DMD: variants seen among roughly 807,000 people sequenced by gnomAD.
The protein encoded by DMD is dystrophin, also known as mutant dystrophin.
Under a neutral mutation model 330.1 loss-of-function variants are expected in DMD, and 63 were observed. The ratio of observed to expected loss-of-function variants is 0.19; its 90% CI spans 0.16 to 0.24. The LOEUF is 0.24. DMD is among the 10% of genes least tolerant of loss of function. DMD has a pLI of 1.00. For missense variants in DMD, 3,344 were observed against 2,684.1 expected (o/e 1.25, Z -5.43); for synonymous variants, 1,223 against 959.8 (o/e 1.27, Z -5.07).
chrX:32,285,824 C>G (rs959392552), intron 43 of DMD, among the ~76,000 whole-genome samples: 2 of 111,045 alleles, frequency 1.8e-5, no homozygotes, highest in Non-Finnish European at 3.8e-5. Flanking sequence ...CTCAGCCTCC[C>G]GAGTAGCTGG....
At chrX:31,773,724 C>CTTTTTTTTTTTTTATTTTTTTTTTTTT (rs2090476787) in intron 51 of DMD, among the ~76,000 whole-genome samples, 1 of 53,557 alleles carries the variant, frequency 1.9e-5, no homozygotes, top group African/African-American at 7.6e-5. Context: ...AAGGTTTCTG[C>CTTTTTTTTTTTTTATTTTTTTTTTTTT]TTTTTTTTTT....
intron 49 of DMD, among the ~76,000 whole-genome samples, chrX:31,832,167 A>G (rs1247856103): frequency 8.9e-6 from 1 of 112,105 alleles, no homozygotes; most frequent in African/African-American, 3.2e-5. Context: ...ATGGCAGATG[A>G]TTTATGAAAT....
intron 2 of DMD, among the ~76,000 whole-genome samples, chrX:32,902,221 C>G (rs1164785478): frequency 9.4e-6 from 1 of 106,263 alleles, no homozygotes; most frequent in Non-Finnish European, 1.9e-5. Context: ...ATTTTCTTCA[C>G]TGACTCAGAA....
At chrX:33,115,413 C>A (rs1490778825) in intron 1 of DMD, among the ~76,000 whole-genome samples, 1 of 110,980 alleles carries the variant, frequency 9.0e-6, no homozygotes, top group Non-Finnish European at 1.9e-5. Flanking sequence ...ATGGGGGGAT[C>A]TCCTAAACGA....
chrX:31,928,600 T>C (rs1004121372), intron 47 of DMD, among the ~76,000 whole-genome samples: 1 of 108,973 alleles, frequency 9.2e-6, no homozygotes, highest in African/African-American at 3.3e-5. Context: ...AGCGAGACTC[T>C]GTCTCCAAAA....
chrX:31,781,640 T>C (rs1288277509), intron 50 of DMD, among the ~76,000 whole-genome samples: 2 of 112,090 alleles, frequency 1.8e-5, no homozygotes, highest in African/African-American at 3.2e-5. Context: ...AGTGCCCTTC[T>C]ATAACTAACA....
At chrX:31,992,364 T>C (rs1394115757) in intron 44 of DMD, among the ~76,000 whole-genome samples, 2 of 111,483 alleles carry the variant, frequency 1.8e-5, no homozygotes, top group Non-Finnish European at 3.8e-5. Flanking sequence ...TGTGAAGAGA[T>C]ATGTTAAAAT....
chrX:32,896,749 C>T, intron 2 of DMD, among the ~76,000 whole-genome samples: 1 of 112,634 alleles, frequency 8.9e-6, no homozygotes, highest in South Asian at 3.7e-4. Flanking sequence ...AAAATGAACA[C>T]TTAGTTTTCA....
chrX:32,565,222 T>A (rs1476498182), intron 16 of DMD, among the ~76,000 whole-genome samples: 2 of 111,665 alleles, frequency 1.8e-5, no homozygotes, highest in East Asian at 5.6e-4. Context: ...GGTACAATAG[T>A]CAGATAATTA....
chrX:32,049,971 C>T (rs1049428536), intron 44 of DMD, among the ~76,000 whole-genome samples: 13 of 111,626 alleles, frequency 1.2e-4, no homozygotes, highest in African/African-American at 4.2e-4. Context: ...CCACATTTCT[C>T]TATAAATTAT....
chrX:31,408,484 C>A (rs1259040333), intron 60 of DMD, among the ~76,000 whole-genome samples: 1 of 110,960 alleles, frequency 9.0e-6, no homozygotes, highest in Non-Finnish European at 1.9e-5. Flanking sequence ...CAGCTCACTG[C>A]AACCTCTGCC....
intron 9 of DMD, among the ~76,000 whole-genome samples, chrX:32,663,417 T>G (rs1434283059): frequency 8.9e-6 from 1 of 111,957 alleles, no homozygotes. Flanking sequence ...AAACTTCAAA[T>G]AGATAATTTT....
At chrX:32,699,085 A>T (rs751531760) in intron 8 of DMD, 27 bp downstream of exon 8, 3 of 1,179,527 alleles carry the variant, frequency 2.5e-6, no homozygotes, top group Non-Finnish European at 2.3e-6. Context: ...AACATCTTGA[A>T]TAGTAGCTGT....
rs181290493 is a variant in DMD at position 32,959,605 on chromosome X, G to T, written c.93+60534C>A. 3.6e-5 allele frequency among the ~76,000 whole-genome samples: 4 copies of T among 111,146 alleles called. No homozygotes were observed. The East Asian group carries it at 1.1e-3, about 31-fold the overall frequency. On this transcript the variant is annotated intron_variant, in intron 2 of 78. Transcript: ENST00000357033. ...TTCCCTCTTGACTTGACATCACTGA[G>T]AATTAAAATCTGACTGCCCAAATCC...
intron 44 of DMD, among the ~76,000 whole-genome samples, chrX:32,083,272 C>CTTT (rs56029341): frequency 1.9e-5 from 2 of 102,978 alleles, no homozygotes; most frequent in Non-Finnish European, 4.0e-5. Context: ...AATAAAAAAT[C>CTTT]TTTTTTTTTT....
intron 44 of DMD, among the ~76,000 whole-genome samples, chrX:32,124,476 C>T (rs2096652126): frequency 8.9e-6 from 1 of 111,993 alleles, no homozygotes; most frequent in African/African-American, 3.2e-5. Flanking sequence ...ACTAGGGTTA[C>T]GTTTACCTAG....
chrX:31,794,431 A>G (rs2091726225), intron 50 of DMD, among the ~76,000 whole-genome samples: 1 of 111,809 alleles, frequency 8.9e-6, no homozygotes, highest in Non-Finnish European at 1.9e-5. Context: ...GCAGCTGAAG[A>G]ATCTTTTAAT....
At chrX:31,281,725 A>T (rs981600833) in intron 62 of DMD, among the ~76,000 whole-genome samples, 6 of 111,670 alleles carry the variant, frequency 5.4e-5, no homozygotes, top group Non-Finnish European at 9.4e-5. Context: ...ATGAGATCCC[A>T]TGGCAGCACT....
intron 2 of DMD, among the ~76,000 whole-genome samples, chrX:32,916,991 C>T (rs73219750): frequency 0.049 from 5,486 of 111,510 alleles, 113 homozygotes; most frequent in African/African-American, 0.082. Context: ...ATGTGATATA[C>T]TTTGGCTCTG....
Sources: allele counts gnomAD v4.1 joint callset (sites outside exome capture counted in the v4.1 genomes callset), GRCh38; gene constraint gnomAD v4.1.1; transcripts MANE v1.5; gene names NCBI Gene and HGNC (gene_info 2026-07-23, HGNC 2026-07-21).